BET1: variants seen among roughly 807,000 people sequenced by gnomAD.
BET1 encodes Bet1 golgi vesicular membrane trafficking protein.
In BET1, 9 loss-of-function variants were observed where a neutral mutation model predicts 13.9. The observed-to-expected ratio is 0.65, with a 90% CI of 0.39 to 1.13. The LOEUF (loss-of-function observed/expected upper bound fraction) is 1.13. BET1 is among the 50% of genes most tolerant of loss of function. The probability of loss-of-function intolerance (pLI) is 0.01; values close to 1 mark genes in which losing one functional copy is unlikely to be tolerated. For synonymous variants in BET1, 39 were observed against 47.3 expected, an observed-to-expected ratio of 0.82 and a Z score of 0.72; for missense variants, 127 against 133.6, an observed-to-expected ratio of 0.95 and a Z score of 0.24.
intron 6 of BET1, among the ~76,000 whole-genome samples, chr7:93,967,249 C>T (rs1289514750): frequency 6.6e-6 from 1 of 151,850 alleles, no homozygotes; most frequent in Non-Finnish European, 1.5e-5. Context: ...TCTCCTGTGC[C>T]TTACTCACTC....
At chr7:93,985,715 T>C (rs1007144730) in intron 4 of BET1, among the ~76,000 whole-genome samples, 2 of 152,212 alleles carry the variant, frequency 1.3e-5, no homozygotes, top group Non-Finnish European at 2.9e-5. Context: ...ATAAATGTGC[T>C]TTTAACAGAG....
chr7:93,970,020 T>A (rs1232384672), intron 6 of BET1, among the ~76,000 whole-genome samples: 1 of 151,782 alleles, frequency 6.6e-6, no homozygotes, highest in East Asian at 1.9e-4. Context: ...AGAGAGAGTA[T>A]CAATTGCTAA....
intron 4 of BET1, among the ~76,000 whole-genome samples, chr7:93,980,350 C>G (rs1307720169): frequency 3.9e-5 from 6 of 152,048 alleles, no homozygotes; most frequent in Admixed American, 3.9e-4. Flanking sequence ...CAACTATAGG[C>G]CAATAATCCT....
chr7:94,003,459 T>TA (rs58774597), intron 1 of BET1, among the ~76,000 whole-genome samples: 19,864 of 150,062 alleles, frequency 0.13, 3,815 homozygotes, highest in African/African-American at 0.42. Flanking sequence ...GGGTCTTCTT[T>TA]AAAAAAAAAA....
At chr7:93,991,521 A>C (rs1228982216), downstream of BET1, among the ~76,000 whole-genome samples, 3 of 152,228 alleles carry the variant, frequency 2.0e-5, no homozygotes, top group Non-Finnish European at 4.4e-5. Context: ...AGTGCTTGGA[A>C]TCGAGTGTGG....
chr7:93,973,911 G>T (rs937294804), intron 5 of BET1, among the ~76,000 whole-genome samples: 2 of 151,966 alleles, frequency 1.3e-5, no homozygotes, highest in Non-Finnish European at 1.5e-5. Context: ...ACTTATTTTG[G>T]AAAACAATAT....
At chr7:93,967,193 T>C (rs998421438) in intron 6 of BET1, among the ~76,000 whole-genome samples, 3 of 151,882 alleles carry the variant, frequency 2.0e-5, no homozygotes, top group Non-Finnish European at 2.9e-5. Flanking sequence ...TGGCAACTTC[T>C]GGAATGCTTT....
At chr7:93,975,143 A>G (rs1795316635) in intron 5 of BET1, among the ~76,000 whole-genome samples, 1 of 152,100 alleles carries the variant, frequency 6.6e-6, no homozygotes, top group South Asian at 2.1e-4. Flanking sequence ...CATCACAACT[A>G]AATGAGATGT....
Position 93,994,105 on chromosome 7 carries a change from T to A in BET1, c.*125A>T. ...ATGTGATTTATAAAATAAGCAAAAT[T>A]CAGCAATTTTCAATGGAAAATGCCA... On this transcript the variant is annotated 3_prime_UTR_variant, in exon 4 of 4. Transcript: ENST00000222547. 1 of 1,445,826 alleles carries A rather than the reference T, an allele frequency of 6.9e-7. No homozygotes were observed. 89.6% of individuals were successfully genotyped at this position (1,445,826 alleles called of 1,614,324 possible).
At chr7:93,992,437 C>T (rs1348142924), downstream of BET1, 2 of 985,212 alleles carry the variant, frequency 2.0e-6, no homozygotes, top group African/African-American at 3.5e-5. Flanking sequence ...CTCCTGTTTT[C>T]ATTTTTAAGT....
intron 6 of BET1, among the ~76,000 whole-genome samples, chr7:93,968,966 C>T (rs545627638): frequency 2.6e-5 from 4 of 151,952 alleles, no homozygotes; most frequent in Admixed American, 1.3e-4. Flanking sequence ...TTCTCACATT[C>T]TTCCCCATCC....
downstream of BET1, among the ~76,000 whole-genome samples, chr7:93,988,981 T>C (rs112423309): frequency 3.9e-3 from 583 of 148,038 alleles, 4 homozygotes; most frequent in African/African-American, 0.014. Flanking sequence ...AAAAGATATA[T>C]AAATATATAA....
At chr7:93,975,902 A>C (rs755250274) in intron 5 of BET1, 3 of 1,124,210 alleles carry the variant, frequency 2.7e-6, no homozygotes, top group Non-Finnish European at 3.4e-6. Flanking sequence ...TTAAAAACTT[A>C]CTTCTTTCTT....
chr7:94,004,202 G>C lies in BET1; in HGVS notation c.15C>G (p.Gly5=), dbSNP rs1456990541. The change falls in exon 1 of 4, where the codon GGC becomes GGG. Residue 5 remains glycine (G), a synonymous_variant. Transcript: ENST00000222547. The part of the protein sequence containing the change: MRRA[G]LGEGVPPGNY... ...GAACCTCAGCCCTCTTCTTACCCAG[G>C]CCTGCACGCCTCATCCTGCCAGAGG... 3.1e-6 allele frequency: 5 copies of C among 1,614,000 alleles called. No individual in the cohort carries two copies. Among genetic ancestry groups the C allele is most frequent in the African/African-American group, 1.3e-5 (1 of 75,020 alleles).
chr7:93,967,327 TCA>T (rs1418955833), intron 6 of BET1, among the ~76,000 whole-genome samples: 1 of 151,820 alleles, frequency 6.6e-6, no homozygotes, highest in African/African-American at 2.4e-5. Flanking sequence ...GGTTTGGTGG[TCA>T]CAGTTATTTA....
At chr7:93,966,442 A>C (rs1795174060) in intron 6 of BET1, among the ~76,000 whole-genome samples, 2 of 151,998 alleles carry the variant, frequency 1.3e-5, no homozygotes, top group Non-Finnish European at 2.9e-5. Context: ...TATTGCTTCT[A>C]TCATAGAGCT....
chr7:93,997,971 C>G (rs1480855481), intron 2 of BET1, among the ~76,000 whole-genome samples: 1 of 151,946 alleles, frequency 6.6e-6, no homozygotes, highest in Non-Finnish European at 1.5e-5. Context: ...ATGTGGTAAT[C>G]AGGTAAAAGT....
chr7:93,976,345 T>TGTGC (rs996911274), intron 4 of BET1, among the ~76,000 whole-genome samples: 1 of 46,796 alleles, frequency 2.1e-5, no homozygotes, highest in African/African-American at 1.7e-4. Context: ...ATCTACTTAT[T>TGTGC]GTGTGTGTGT....
intron 1 of BET1, chr7:94,000,174 G>T (rs1209919642): frequency 1.3e-5 from 2 of 151,066 alleles, no homozygotes; most frequent in African/African-American, 2.4e-5. Flanking sequence ...GCGCGATCTC[G>T]GCTCACTGCA....
Sources: allele counts gnomAD v4.1 joint callset (sites outside exome capture counted in the v4.1 genomes callset), GRCh38; gene constraint gnomAD v4.1.1; transcripts MANE v1.5; gene names NCBI Gene and HGNC (gene_info 2026-07-23, HGNC 2026-07-21).